The following ITIH4 variants were observed in gnomAD, a reference collection of about 807,000 sequenced individuals.
ITIH4 encodes inter-alpha-trypsin inhibitor heavy chain H4.
A neutral mutation model predicts 111.8 loss-of-function variants in ITIH4; 79 were observed. The ratio of observed to expected loss-of-function variants is 0.71; its 90% CI spans 0.59 to 0.85. ITIH4 has a LOEUF of 0.85. ITIH4 is among the 40% of genes least tolerant of loss of function. ITIH4 has a pLI of 0.00. For missense variants in ITIH4, 1,065 were observed against 1,195.8 expected (o/e 0.89, Z 1.61); for synonymous variants, 472 against 468.3 (o/e 1.01, Z -0.10).
intron 20 of ITIH4, 90 bp from the exon 21 acceptor site, chr3:52,817,148 T>C (rs1700293243): frequency 4.5e-6 from 5 of 1,113,880 alleles, no homozygotes; most frequent in Non-Finnish European, 6.5e-6. Context: ...TCACACCCCC[T>C]GGAGTTCTGC....
At chr3:52,826,172 A>G (rs1011156265) in intron 5 of ITIH4, among the ~76,000 whole-genome samples, 158 bp from the exon 6 acceptor site, 3 of 152,180 alleles carry the variant, frequency 2.0e-5, no homozygotes, top group African/African-American at 4.8e-5. Flanking sequence ...TTGATGGACC[A>G]CTTTCACGTA....
intron 20 of ITIH4, among the ~76,000 whole-genome samples, chr3:52,817,473 T>G (rs1373218900): frequency 1.3e-5 from 2 of 152,112 alleles, no homozygotes; most frequent in East Asian, 3.9e-4. Context: ...GACACATGCA[T>G]CTGAGGAATG....
chr3:52,819,102 A>C, intron 17 of ITIH4: 4 of 391,876 alleles, frequency 1.0e-5, no homozygotes, highest in Non-Finnish European at 1.9e-5. Context: ...AGGGGCAGCT[A>C]AAGGACCCGG....
intron 5 of ITIH4, 104 bp from the exon 6 acceptor site, chr3:52,826,118 G>C (rs1323452179): frequency 1.1e-5 from 16 of 1,489,782 alleles, no homozygotes; most frequent in African/African-American, 1.4e-5. Flanking sequence ...CCAGGATGCA[G>C]CCTTGGGTCC....
In ITIH4 at chr3:52,824,370, A is replaced by C. The variant is rs753591646; in HGVS notation, c.1045+27T>G. On this transcript the variant is annotated intron_variant, in intron 8 of 23. Transcript: ENST00000266041. The surrounding 1 kb of genome is among the most constrained non-coding windows in gnomAD (Gnocchi z 4.3). ...CCAGCCAGGAGCCCTGGAAGCCCCC[A>C]CCCTGCAGGGCCACAGAGACACTTA... The C allele has an allele frequency of 6.2e-7, 1 of 1,612,340 alleles. No individual in the cohort carries two copies. The highest frequency in any genetic ancestry group is 8.5e-7 in the Non-Finnish European group (1 of 1,178,800).
chr3:52,816,165 C>T (rs2535624), intron 21 of ITIH4, among the ~76,000 whole-genome samples: 6,858 of 152,220 alleles, frequency 0.045, 528 homozygotes, highest in African/African-American at 0.16. Context: ...GAGGTCACTG[C>T]CCACAGAGGA....
chr3:52,830,337 G>A, intron 1 of ITIH4: 2 of 649,922 alleles, frequency 3.1e-6, no homozygotes, highest in Non-Finnish European at 5.7e-6. Context: ...TCCTCATTTG[G>A]AAAATGGAAA....
intron 2 of ITIH4, among the ~76,000 whole-genome samples, chr3:52,828,113 C>T (rs146124684): frequency 1.3e-5 from 2 of 152,338 alleles, no homozygotes; most frequent in Non-Finnish European, 1.5e-5. Context: ...CCAGCTGGGG[C>T]TCCTGGCCAG....
chr3:52,819,531 C>A lies in ITIH4; in HGVS notation c.1952-13G>T. 6.2e-7 allele frequency: 1 copy of A among 1,613,990 alleles called. No individual in the cohort carries two copies. The highest frequency in any genetic ancestry group is 8.5e-7 in the Non-Finnish European group (1 of 1,179,978). ...CCAGCAGCTCCAGCTTTGGAGAAAT[C>A]GACAGATGCAGTCTTCTCTCAGGTG... On this transcript the variant is annotated splice_polypyrimidine_tract_variant and intron_variant, in intron 16 of 23. Coordinates refer to ENST00000266041, the MANE Select transcript of ITIH4 (RefSeq NM_002218.5).
At chr3:52,815,170 G>C (rs1700258064) in intron 21 of ITIH4, among the ~76,000 whole-genome samples, 1 of 151,890 alleles carries the variant, frequency 6.6e-6, no homozygotes, top group South Asian at 2.1e-4. Context: ...GAGGTTATTT[G>C]AAACAAATTT....
chr3:52,814,203 C>T lies in ITIH4; in HGVS notation c.2626+6G>A. 1.2e-6 allele frequency: 2 copies of T among 1,612,586 alleles called. No homozygotes were observed. Among genetic ancestry groups the T allele is most frequent in the South Asian group, 1.1e-5 (1 of 90,792 alleles). ...AAGGCCTGGGCCCCGGTAATGGGCTCAGTACCAAGGGTCCCTCCAACGTGG... is the reference window on the plus strand; with the variant it reads ...AAGGCCTGGGCCCCGGTAATGGGCTTAGTACCAAGGGTCCCTCCAACGTGG... On this transcript the variant is annotated splice_donor_region_variant and intron_variant, in intron 22 of 23. Coordinates refer to ENST00000266041, the MANE Select transcript of ITIH4 (RefSeq NM_002218.5).
intron 5 of ITIH4, 31 bp downstream of exon 5, chr3:52,826,510 T>A: frequency 6.5e-7 from 1 of 1,541,738 alleles, no homozygotes; most frequent in East Asian, 2.2e-5. Context: ...GGGCCCTTGG[T>A]ACCCTCACCT....
chr3:52,827,019 G>GC, intron 3 of ITIH4, 66 bp from the exon 4 acceptor site: 2 of 1,611,918 alleles, frequency 1.2e-6, no homozygotes, highest in Non-Finnish European at 1.7e-6. Context: ...AGAGGTGGGA[G>GC]CAGGACTAAG....
In ITIH4 at chr3:52,823,973, G is replaced by A. The variant is rs139572428; in HGVS notation, c.1203C>T (p.Asn401=). The A allele has an allele frequency of 1.3e-4, 213 of 1,582,772 alleles. No individual in the cohort carries two copies. Among genetic ancestry groups the A allele is most frequent in the Non-Finnish European group, 1.4e-4 (166 of 1,165,516 alleles). The stretch of plus-strand genomic sequence containing the variant: ...ACCGGCCACTTACAGCTTCCCGCAC[G>A]TTATTCTGGATGCTCCTGGGGTTAG... ...GETNPRSIQN[N]VREAVSGRYS... is the part of the protein sequence containing the mutation. The change falls in exon 10 of 24, where the codon AAC becomes AAT. Residue 401 remains asparagine (N), a synonymous_variant. Coordinates refer to ENST00000266041, the MANE Select transcript of ITIH4 (RefSeq NM_002218.5).
Position 52,824,968 on chromosome 3 carries a change from G to T in ITIH4, c.760-10C>A. ...AGTAGCCGTTCTCGATCTGTGGCCA[G>T]AGTGAGACCCACCCAGGCCATCAGA... On this transcript the variant is annotated splice_polypyrimidine_tract_variant and intron_variant, in intron 6 of 23. Coordinates refer to ENST00000266041, the MANE Select transcript of ITIH4 (RefSeq NM_002218.5). The surrounding 1 kb of genome is among the most constrained non-coding windows in gnomAD (Gnocchi z 4.3). 6.3e-7 allele frequency: 1 copy of T among 1,583,930 alleles called. No individual in the cohort carries two copies. Among genetic ancestry groups the T allele is most frequent in the Non-Finnish European group, 8.6e-7 (1 of 1,156,344 alleles).
intron 13 of ITIH4, 152 bp downstream of exon 13, chr3:52,820,479 T>C: frequency 8.5e-7 from 1 of 1,170,868 alleles, no homozygotes; most frequent in Non-Finnish European, 1.2e-6. Context: ...AGACCCGGCT[T>C]CACTTTCCTC....
Position 52,823,585 on chromosome 3 carries a change from C to T in ITIH4, c.1510G>A (p.Val504Met), listed in dbSNP as rs1700429738. The change falls in exon 11 of 24, where the codon GTG becomes ATG. Residue 504 changes from valine to methionine, a missense_variant. Coordinates refer to ENST00000266041, the MANE Select transcript of ITIH4 (RefSeq NM_002218.5). The stretch of plus-strand genomic sequence containing the variant: ...TTCCCACTGACTGTGGCTGTGAGCA[C>T]ATCAGGCCCCCGGTCCTGGAGCTTC... ...AGKLQDRGPD[V>M]LTATVSGKLP... 1.2e-6 allele frequency: 2 copies of T among 1,612,150 alleles called. No individual in the cohort carries two copies. Among genetic ancestry groups the T allele is most frequent in the African/African-American group, 1.3e-5 (1 of 74,922 alleles).
chr3:52,830,333 T>C (rs1392795768), intron 1 of ITIH4: 2 of 640,662 alleles, frequency 3.1e-6, no homozygotes. Context: ...TATTTCCTCA[T>C]TTGGAAAATG....
intron 12 of ITIH4, 42 bp from the exon 13 acceptor site, chr3:52,820,827 C>T (rs771432696): frequency 9.5e-6 from 15 of 1,571,260 alleles, no homozygotes; most frequent in Admixed American, 1.8e-5. Flanking sequence ...TCCTTGAATT[C>T]GGGAACAGAT....
Sources: allele counts gnomAD v4.1 joint callset (sites outside exome capture counted in the v4.1 genomes callset), GRCh38; gene constraint gnomAD v4.1.1; non-coding constraint Gnocchi (gnomAD v3.1); transcripts MANE v1.5; gene names NCBI Gene and HGNC (gene_info 2026-07-23, HGNC 2026-07-21).